ALCAM: variants seen among roughly 807,000 people sequenced by gnomAD.
ALCAM encodes activated leukocyte cell adhesion molecule.
ALCAM carries 30 observed loss-of-function variants against 70.9 expected under a neutral mutation model. That is an observed-to-expected ratio of 0.42 (90% confidence interval 0.32 to 0.57). The LOEUF (loss-of-function observed/expected upper bound fraction) is 0.57, where lower values mean the gene tolerates loss of function less well. ALCAM is among the 20% of genes least tolerant of loss of function. ALCAM has a pLI of 0.11. For synonymous variants in ALCAM, 249 were observed against 242.5 expected (o/e 1.03, Z -0.25); for missense variants, 591 against 695.1 (o/e 0.85, Z 1.68).
intron 14 of ALCAM, among the ~76,000 whole-genome samples, chr3:105,560,765 A>G (rs1309364438): frequency 6.6e-6 from 1 of 152,154 alleles, no homozygotes; most frequent in East Asian, 1.9e-4. Flanking sequence ...TTATCAAGCC[A>G]TTCCAGCACT....
At position 105,529,484 on chromosome 3, in the gene ALCAM, A is replaced by G. The variant is rs749270102; in HGVS notation, c.395-2518A>G. Among the ~76,000 whole-genome samples the G allele has an allele frequency of 8.1e-4, 123 of 152,204 alleles. 1 individual carries two copies. The highest frequency in any genetic ancestry group is 3.2e-4 in the Non-Finnish European group (22 of 68,032). On this transcript the variant is annotated intron_variant, in intron 3 of 15. Transcript: ENST00000306107. ...TACTCATCAATTGTCACAACCTAAT[A>G]TAAAAGAAAATTACATTCAAGATAC...
chr3:105,413,054 G>A (rs1365556654), intron 1 of ALCAM, among the ~76,000 whole-genome samples: 1 of 152,026 alleles, frequency 6.6e-6, no homozygotes, highest in Non-Finnish European at 1.5e-5. Flanking sequence ...AATATATCTT[G>A]CCATTCAGGT....
intron 1 of ALCAM, among the ~76,000 whole-genome samples, chr3:105,498,647 A>C (rs1015856151): frequency 6.6e-6 from 1 of 152,168 alleles, no homozygotes; most frequent in Non-Finnish European, 1.5e-5. Context: ...TAACACTTCA[A>C]AGTTTTGTGC....
chr3:105,505,234 G>A (rs1939038910), intron 1 of ALCAM, among the ~76,000 whole-genome samples: 3 of 152,180 alleles, frequency 2.0e-5, no homozygotes, highest in South Asian at 2.1e-4. Flanking sequence ...AAGAAAAGAG[G>A]TTTAATTGAC....
chr3:105,469,022 A>T (rs1937837759), intron 1 of ALCAM, among the ~76,000 whole-genome samples: 1 of 150,856 alleles, frequency 6.6e-6, no homozygotes, highest in Admixed American at 6.6e-5. Context: ...TTTGGTCATT[A>T]CCTGTTTACA....
intron 13 of ALCAM, 130 bp downstream of exon 13, chr3:105,552,312 AGAATGCTAAAAT>A: frequency 7.8e-7 from 1 of 1,285,912 alleles, no homozygotes; most frequent in Admixed American, 2.1e-5. Context: ...CAAGATAGTA[AGAATGCTAAAAT>A]TTTACCCTTT....
chr3:105,523,410 T>C (rs1484299690), intron 2 of ALCAM, among the ~76,000 whole-genome samples: 1 of 152,216 alleles, frequency 6.6e-6, no homozygotes, highest in African/African-American at 2.4e-5. Flanking sequence ...TAGTAATTGA[T>C]ATTATTAATT....
intron 1 of ALCAM, among the ~76,000 whole-genome samples, chr3:105,459,352 T>G (rs1193311210): frequency 6.6e-6 from 1 of 152,124 alleles, no homozygotes; most frequent in Non-Finnish European, 1.5e-5. Context: ...GCATGATAAG[T>G]TTAATCATGG....
In ALCAM at chr3:105,368,223, AAGAGAGAG is replaced by A. The variant is rs5851454; in HGVS notation, c.73+776_73+783del. On this transcript the variant is annotated intron_variant, in intron 1 of 15. Transcript: ENST00000306107. Reference sequence around the variant, plus strand: ...TTCTCAGTTCTGTACTGAGTCTTGGAAGAGAGAGAGAGAGAGAGAGAGAGAGAGAGAGA... The same window carrying A: ...TTCTCAGTTCTGTACTGAGTCTTGGAAGAGAGAGAGAGAGAGAGAGAGAGA... 4.8e-3 allele frequency among the ~76,000 whole-genome samples: 325 copies of A among 67,818 alleles called. 4 individuals are homozygous for A. Among genetic ancestry groups the A allele is most frequent in the African/African-American group, 0.013 (230 of 18,070 alleles). The allele number at this position is 67,818 out of a possible 152,430, so 44.5% of individuals were successfully genotyped here.
chr3:105,473,993 A>G (rs1424342910), intron 1 of ALCAM, among the ~76,000 whole-genome samples: 2 of 151,518 alleles, frequency 1.3e-5, no homozygotes. Flanking sequence ...CAACCACTAC[A>G]TAATTACCAA....
rs1938528708 is a variant in ALCAM at position 105,489,634 on chromosome 3, T to C, written c.74-30433T>C. ...AAAATGTCAAAGCATGTTTTGTTAA[T>C]ATAATTATATAATTAAATGGGTATA... On this transcript the variant is annotated intron_variant, in intron 1 of 15. Transcript: ENST00000306107. 2.6e-5 allele frequency among the ~76,000 whole-genome samples: 4 copies of C among 152,212 alleles called. No individual in the cohort carries two copies. The South Asian group carries it at 8.3e-4, about 32-fold the overall frequency.
intron 1 of ALCAM, among the ~76,000 whole-genome samples, chr3:105,482,493 G>T (rs1938300751): frequency 1.3e-5 from 2 of 152,008 alleles, no homozygotes; most frequent in African/African-American, 2.4e-5. Flanking sequence ...AGGAAAATTT[G>T]AATTATTATT....
In ALCAM at chr3:105,392,515, TA is replaced by T. The variant is rs200501288; in HGVS notation, c.73+25042del. Among the ~76,000 whole-genome samples the T allele has an allele frequency of 9.4e-3, 1,426 of 151,240 alleles. 20 individuals are homozygous for T. The highest frequency in any genetic ancestry group is 0.028 in the African/African-American group (1,147 of 41,370). On this transcript the variant is annotated intron_variant, in intron 1 of 15. Transcript: ENST00000306107. The stretch of plus-strand genomic sequence containing the variant: ...CTATTTTATTATTATAATTATTATT[TA>T]AAAAAAATAGCTCGTAGATTCATTG...
At chr3:105,370,725 T>C (rs1935204080) in intron 1 of ALCAM, among the ~76,000 whole-genome samples, 1 of 151,142 alleles carries the variant, frequency 6.6e-6, no homozygotes, top group Non-Finnish European at 1.5e-5. Context: ...CCAGCCTTAG[T>C]AGGGAAAAAA....
chr3:105,501,794 A>T (rs1051345362), intron 1 of ALCAM, among the ~76,000 whole-genome samples: 3 of 152,226 alleles, frequency 2.0e-5, no homozygotes, highest in Non-Finnish European at 4.4e-5. Flanking sequence ...TTATTATGAG[A>T]GTAGTATTGG....
chr3:105,422,001 C>T (rs1319739398), intron 1 of ALCAM, among the ~76,000 whole-genome samples: 2 of 151,278 alleles, frequency 1.3e-5, no homozygotes, highest in Non-Finnish European at 3.0e-5. Flanking sequence ...CCCAATTTTC[C>T]CACTTGGAGT....
chr3:105,385,809 A>C (rs1335101542), intron 1 of ALCAM, among the ~76,000 whole-genome samples: 1 of 151,688 alleles, frequency 6.6e-6, no homozygotes, highest in Non-Finnish European at 1.5e-5. Context: ...GTGAAACTAA[A>C]GCTCAGTTAA....
At chr3:105,468,281 T>C (rs1371063487) in intron 1 of ALCAM, among the ~76,000 whole-genome samples, 1 of 151,436 alleles carries the variant, frequency 6.6e-6, no homozygotes, top group South Asian at 2.1e-4. Flanking sequence ...ACCTTGTTAA[T>C]TGCCACTTAA....
chr3:105,516,669 A>G (rs911926778), intron 1 of ALCAM, among the ~76,000 whole-genome samples: 3 of 152,074 alleles, frequency 2.0e-5, no homozygotes, highest in Non-Finnish European at 4.4e-5. Context: ...AGCAACAGTA[A>G]TAATAAGTCA....
Sources: allele counts gnomAD v4.1 joint callset (sites outside exome capture counted in the v4.1 genomes callset), GRCh38; gene constraint gnomAD v4.1.1; transcripts MANE v1.5; gene names NCBI Gene and HGNC (gene_info 2026-07-23, HGNC 2026-07-21).